Variants in STON2 observed in about 807,000 individuals in gnomAD.
STON2 encodes the protein stonin 2, also known as stonin-2.
Under a neutral mutation model 65.7 loss-of-function variants are expected in STON2, and 29 were observed. The observed-to-expected ratio is 0.44, with a 90% CI of 0.33 to 0.60. The LOEUF (loss-of-function observed/expected upper bound fraction) is 0.60, where lower values mean the gene tolerates loss of function less well. Ranked by LOEUF, STON2 falls within the 20% of genes least tolerant of loss-of-function variation. The pLI is 0.03. For synonymous variants in STON2, 404 were observed against 414.2 expected (o/e 0.98, Z 0.30); for missense variants, 1,054 against 1,118.1 (o/e 0.94, Z 0.82).
chr14:81,272,480 G>A lies in STON2; in HGVS notation c.2582-1608C>T, dbSNP rs567510185. ...GTTTCCACAAACAAACAATTCCAAT[G>A]TTCTTTATTGGTCTGGCTAGGACTT... On this transcript the variant is annotated intron_variant, in intron 6 of 7. Transcript: ENST00000614646. Among the ~76,000 whole-genome samples the A allele has an allele frequency of 7.2e-4, 109 of 152,260 alleles. 1 individual carries two copies. Among genetic ancestry groups the A allele is most frequent in the African/African-American group, 2.4e-3 (99 of 41,532 alleles).
chr14:81,409,012 T>C (rs1901015580), intron 2 of STON2, among the ~76,000 whole-genome samples: 2 of 152,214 alleles, frequency 1.3e-5, no homozygotes. Flanking sequence ...TTTGTCTATG[T>C]GACAGTAGGG....
intron 4 of STON2, among the ~76,000 whole-genome samples, chr14:81,370,465 G>A (rs1328299512): frequency 7.9e-5 from 12 of 152,158 alleles, no homozygotes; most frequent in East Asian, 1.9e-4. Flanking sequence ...GTGCATTGCC[G>A]ATTGATGTAT....
chr14:81,340,594 G>A (rs539318838), intron 4 of STON2, among the ~76,000 whole-genome samples: 7 of 152,222 alleles, frequency 4.6e-5, no homozygotes, highest in South Asian at 2.1e-4. Context: ...TTCCAGCCCC[G>A]CTGGCAGTAA....
At chr14:81,332,431 T>C (rs1897246200) in intron 4 of STON2, among the ~76,000 whole-genome samples, 1 of 152,194 alleles carries the variant, frequency 6.6e-6, no homozygotes, top group African/African-American at 2.4e-5. Context: ...ACCATTTTCT[T>C]TTTAGATTTA....
chr14:81,427,729 G>A (rs925372428), intron 1 of STON2, among the ~76,000 whole-genome samples: 1 of 151,874 alleles, frequency 6.6e-6, no homozygotes, highest in Non-Finnish European at 1.5e-5. Context: ...AAAAAAAAGA[G>A]AGAGAGAAAA....
intron 6 of STON2, among the ~76,000 whole-genome samples, chr14:81,271,252 A>G (rs896858086): frequency 6.6e-6 from 1 of 152,202 alleles, no homozygotes; most frequent in Non-Finnish European, 1.5e-5. Flanking sequence ...TAAAATACCA[A>G]TGACAGCTTC....
chr14:81,307,644 T>C (rs1896232424), intron 5 of STON2, among the ~76,000 whole-genome samples: 1 of 152,230 alleles, frequency 6.6e-6, no homozygotes, highest in South Asian at 2.1e-4. Context: ...GCAAATTTTC[T>C]TCTGCCTCTG....
At chr14:81,342,001 T>G (rs532507434) in intron 4 of STON2, among the ~76,000 whole-genome samples, 1 of 152,316 alleles carries the variant, frequency 6.6e-6, no homozygotes, top group African/African-American at 2.4e-5. Flanking sequence ...TCACAGGCAC[T>G]GATCTAGGAG....
intron 5 of STON2, among the ~76,000 whole-genome samples, chr14:81,298,423 G>GC (rs145408882): frequency 2.7e-5 from 2 of 72,980 alleles, no homozygotes; most frequent in African/African-American, 8.3e-5. Flanking sequence ...ATGGGGGGGG[G>GC]GAATCACAGA....
chr14:81,399,601 T>C (rs1245218845), intron 1 of STON2, among the ~76,000 whole-genome samples: 2 of 152,184 alleles, frequency 1.3e-5, no homozygotes, highest in Non-Finnish European at 2.9e-5. Flanking sequence ...TTTAAAACAG[T>C]TTTGGCATAT....
intron 5 of STON2, among the ~76,000 whole-genome samples, chr14:81,300,916 G>A (rs1895944669): frequency 6.6e-6 from 1 of 151,888 alleles, no homozygotes; most frequent in Non-Finnish European, 1.5e-5. Context: ...GTGAAAACCT[G>A]GAAACACCCC....
intron 2 of STON2, among the ~76,000 whole-genome samples, chr14:81,423,977 C>G (rs1901842395): frequency 1.3e-5 from 2 of 152,176 alleles, no homozygotes; most frequent in Non-Finnish European, 2.9e-5. Context: ...ACATGAAATG[C>G]ACTACTGACA....
intron 5 of STON2, among the ~76,000 whole-genome samples, chr14:81,303,138 T>C (rs2140188421): frequency 6.6e-6 from 1 of 151,560 alleles, no homozygotes; most frequent in East Asian, 1.9e-4. Flanking sequence ...GTGTATTGGG[T>C]GAGCAGAGGA....
chr14:81,380,098 G>C (rs2140392009), intron 3 of STON2, among the ~76,000 whole-genome samples: 1 of 152,292 alleles, frequency 6.6e-6, no homozygotes. Context: ...CTATGCATCT[G>C]ACAAAGGTCT....
chr14:81,317,909 C>T (rs1052808490), intron 5 of STON2, among the ~76,000 whole-genome samples: 1 of 152,024 alleles, frequency 6.6e-6, no homozygotes, highest in Non-Finnish European at 1.5e-5. Flanking sequence ...ATCTCTGCAG[C>T]TATCAAGTTT....
At chr14:81,414,800 AAAT>A in intron 2 of STON2, among the ~76,000 whole-genome samples, 1 of 152,320 alleles carries the variant, frequency 6.6e-6, no homozygotes, top group Non-Finnish European at 1.5e-5. Flanking sequence ...TTATTAAATG[AAAT>A]AATAATTATA....
chr14:81,376,054 AG>A (rs1465687745), intron 3 of STON2, among the ~76,000 whole-genome samples: 1 of 151,960 alleles, frequency 6.6e-6, no homozygotes, highest in Admixed American at 6.6e-5. Context: ...GAAAATTTTA[AG>A]AATATATGTA....
intron 5 of STON2, among the ~76,000 whole-genome samples, chr14:81,297,138 A>G (rs562348334): frequency 1.3e-5 from 2 of 152,296 alleles, no homozygotes; most frequent in East Asian, 1.9e-4. Context: ...AAGGACGGAA[A>G]GATAAAAATC....
At chr14:81,403,579 A>C (rs1377779556), upstream of STON2, among the ~76,000 whole-genome samples, 1 of 152,144 alleles carries the variant, frequency 6.6e-6, no homozygotes, top group Non-Finnish European at 1.5e-5. Context: ...CCAAGCCCAG[A>C]AGCAGGCACA....
Sources: gnomAD v4.1 joint callset for allele counts (sites outside exome capture counted in the v4.1 genomes callset) on GRCh38, gnomAD v4.1.1 for gene constraint, MANE v1.5 for transcripts, NCBI Gene and HGNC (gene_info 2026-07-23, HGNC 2026-07-21) for gene names.